The following PARD3B variants were observed in gnomAD, a reference collection of about 807,000 sequenced individuals.
The protein encoded by PARD3B is par-3 family cell polarity regulator beta.
A neutral mutation model predicts 130.2 loss-of-function variants in PARD3B; 103 were observed. The ratio of observed to expected loss-of-function variants is 0.79; its 90% CI spans 0.67 to 0.93. PARD3B has a LOEUF of 0.93. PARD3B is among the 40% of genes least tolerant of loss of function. The probability of loss-of-function intolerance (pLI) is 0.00; values close to 1 mark genes in which losing one functional copy is unlikely to be tolerated. For synonymous variants in PARD3B, 583 were observed against 553.2 expected (o/e 1.05, Z -0.76); for missense variants, 1,609 against 1,499.2 (o/e 1.07, Z -1.21).
At chr2:204,743,023 T>G (rs1184335441) in intron 2 of PARD3B, among the ~76,000 whole-genome samples, 1 of 152,210 alleles carries the variant, frequency 6.6e-6, no homozygotes, top group Non-Finnish European at 1.5e-5. Context: ...AACATGGCTC[T>G]AAGCAAGTTA....
intron 20 of PARD3B, among the ~76,000 whole-genome samples, chr2:205,442,233 C>T (rs2047739113): frequency 6.6e-6 from 1 of 150,666 alleles, no homozygotes; most frequent in South Asian, 2.1e-4. Flanking sequence ...ATTCACAAGT[C>T]CAATACATAT....
At chr2:204,784,962 A>G (rs1336244467) in intron 2 of PARD3B, among the ~76,000 whole-genome samples, 1 of 152,202 alleles carries the variant, frequency 6.6e-6, no homozygotes, top group Non-Finnish European at 1.5e-5. Flanking sequence ...TGACCATGAA[A>G]GAAATTAAAG....
chr2:205,182,378 C>T (rs1346029285), intron 13 of PARD3B, among the ~76,000 whole-genome samples: 7 of 150,172 alleles, frequency 4.7e-5, no homozygotes, highest in Admixed American at 1.3e-4. Context: ...ACCTCTACAC[C>T]GATCACCACT....
At chr2:204,697,952 G>A (rs188400809) in intron 2 of PARD3B, among the ~76,000 whole-genome samples, 96 of 152,236 alleles carry the variant, frequency 6.3e-4, no homozygotes, top group African/African-American at 2.2e-3. Flanking sequence ...TCTTGTGGGA[G>A]AAATTTTCTC....
chr2:205,018,329 A>G (rs1696315138), intron 3 of PARD3B, among the ~76,000 whole-genome samples: 1 of 152,138 alleles, frequency 6.6e-6, no homozygotes, highest in South Asian at 2.1e-4. Context: ...TACCTTTAGC[A>G]TAATTGTTTT....
intron 19 of PARD3B, among the ~76,000 whole-genome samples, chr2:205,420,765 G>T (rs2046940132): frequency 6.6e-6 from 1 of 152,176 alleles, no homozygotes; most frequent in Admixed American, 6.5e-5. Flanking sequence ...TACTTCCCTT[G>T]TATTATTTGC....
chr2:205,293,170 T>C (rs1229340847), intron 16 of PARD3B, among the ~76,000 whole-genome samples: 3 of 152,170 alleles, frequency 2.0e-5, no homozygotes, highest in Non-Finnish European at 2.9e-5. Context: ...CTATACAATA[T>C]GTAAAGATAC....
In PARD3B at chr2:205,390,010, T is replaced by C. The variant is rs377134868; in HGVS notation, c.2631-11003T>C. Among the ~76,000 whole-genome samples, 3 of 152,206 alleles carry C rather than the reference T, an allele frequency of 2.0e-5. No homozygotes were observed. In the East Asian group the frequency reaches 5.8e-4, roughly 29 times the overall value. On this transcript the variant is annotated intron_variant, in intron 18 of 22. Transcript: ENST00000406610. Reference sequence around the variant, plus strand: ...AAACAAACTTTTTAAAAATCAAAGTTGAGAGCTTTCACCTTTTAATAACAG... The same window carrying C: ...AAACAAACTTTTTAAAAATCAAAGTCGAGAGCTTTCACCTTTTAATAACAG...
At chr2:205,053,899 AT>A (rs1243105628) in intron 4 of PARD3B, among the ~76,000 whole-genome samples, 22 of 151,894 alleles carry the variant, frequency 1.4e-4, no homozygotes, top group African/African-American at 3.9e-4. Flanking sequence ...AAAGGTTTTT[AT>A]TTTTTTTCCC....
At chr2:205,494,166 GA>G (rs1430489010) in intron 20 of PARD3B, among the ~76,000 whole-genome samples, 1 of 152,160 alleles carries the variant, frequency 6.6e-6, no homozygotes, top group Non-Finnish European at 1.5e-5. Flanking sequence ...TCCAAATGAA[GA>G]GCTACATCTT....
At chr2:204,927,542 TG>T (rs1687713717) in intron 2 of PARD3B, among the ~76,000 whole-genome samples, 1 of 152,178 alleles carries the variant, frequency 6.6e-6, no homozygotes, top group South Asian at 2.1e-4. Flanking sequence ...CCAAATGAAC[TG>T]AGATAACAAT....
rs2106234153 is a variant in PARD3B at position 205,463,624 on chromosome 2, A to G, written c.3044+22952A>G. On this transcript the variant is annotated intron_variant, in intron 20 of 22. Transcript: ENST00000406610. The surrounding 1 kb of genome is among the most constrained non-coding windows in gnomAD (Gnocchi z 4.8). ...TAATGTGCAAAATTAAGATTTCGTA[A>G]GTGGCATTTTAAATGAATGGTTAAT... Among the ~76,000 whole-genome samples, 1 of 152,326 alleles carries G rather than the reference A, an allele frequency of 6.6e-6. No individual in the cohort carries two copies. The highest frequency in any genetic ancestry group is 1.5e-5 in the Non-Finnish European group (1 of 68,022).
chr2:205,210,571 A>T (rs1248345815), intron 15 of PARD3B, among the ~76,000 whole-genome samples: 1 of 152,094 alleles, frequency 6.6e-6, no homozygotes, highest in Non-Finnish European at 1.5e-5. Context: ...AACAATCATG[A>T]TTATGTTATC....
intron 2 of PARD3B, among the ~76,000 whole-genome samples, chr2:204,793,794 A>G (rs993346265): frequency 6.6e-6 from 1 of 152,160 alleles, no homozygotes; most frequent in Non-Finnish European, 1.5e-5. Flanking sequence ...GGTGTGAGCC[A>G]CCACGCCCGG....
intron 2 of PARD3B, among the ~76,000 whole-genome samples, chr2:204,764,942 T>C (rs1229890300): frequency 6.6e-6 from 1 of 152,152 alleles, no homozygotes; most frequent in African/African-American, 2.4e-5. Flanking sequence ...GATGCATTTT[T>C]TTTTGTAATT....
chr2:204,579,562 T>C (rs2032442176), intron 1 of PARD3B, among the ~76,000 whole-genome samples: 1 of 152,232 alleles, frequency 6.6e-6, no homozygotes, highest in Non-Finnish European at 1.5e-5. Flanking sequence ...TGTTGTGACC[T>C]GGAAAATTGG....
intron 4 of PARD3B, among the ~76,000 whole-genome samples, chr2:205,062,218 G>A (rs1208613246): frequency 6.6e-6 from 1 of 152,110 alleles, no homozygotes; most frequent in Non-Finnish European, 1.5e-5. Context: ...AATATTTTAT[G>A]TAATATTTTT....
intron 2 of PARD3B, among the ~76,000 whole-genome samples, chr2:204,880,065 T>A (rs1274210899): frequency 6.6e-6 from 1 of 152,150 alleles, no homozygotes; most frequent in African/African-American, 2.4e-5. Context: ...TTCTAAAGGA[T>A]TGTTTCTTTG....
At chr2:205,157,859 C>G (rs1323780317) in intron 10 of PARD3B, among the ~76,000 whole-genome samples, 1 of 152,182 alleles carries the variant, frequency 6.6e-6, no homozygotes, top group Non-Finnish European at 1.5e-5. Flanking sequence ...CAGCACTTGT[C>G]TGTTCCCACT....
Sources: allele counts gnomAD v4.1 joint callset (sites outside exome capture counted in the v4.1 genomes callset), GRCh38; gene constraint gnomAD v4.1.1; non-coding constraint Gnocchi (gnomAD v3.1); transcripts MANE v1.5; gene names NCBI Gene and HGNC (gene_info 2026-07-23, HGNC 2026-07-21).